CD2: variants seen among roughly 807,000 people sequenced by gnomAD.
The protein encoded by CD2 is CD2 molecule, also known as T-cell surface antigen CD2.
Under a neutral mutation model 23.2 loss-of-function variants are expected in CD2, and 18 were observed. The ratio of observed to expected loss-of-function variants is 0.77; its 90% CI spans 0.54 to 1.15. The LOEUF (loss-of-function observed/expected upper bound fraction) is 1.15, where lower values mean the gene tolerates loss of function less well. CD2 is among the 50% of genes most tolerant of loss of function. CD2 has a pLI of 0.00. For synonymous variants in CD2, 162 were observed against 151.9 expected (o/e 1.07, Z -0.49); for missense variants, 424 against 423.1 (o/e 1.00, Z -0.02).
In CD2 at chr1:116,768,751, G is replaced by A. The variant is rs1286948040; in HGVS notation, c.1024G>A (p.Ala342Thr). ...RVQPKPPHGA[A>T]ENSLSPSSN The stretch of plus-strand genomic sequence containing the variant: ...TCAGCCAAAACCTCCCCATGGGGCA[G>A]CAGAAAACTCATTGTCCCCTTCCTC... The change falls in exon 5 of 5, where the codon GCA (alanine) becomes ACA (threonine). Residue 342 changes from alanine to threonine, a missense_variant. Physicochemically the swap from Ala to Thr is moderately conservative, Grantham distance 58. Transcript: ENST00000369478. 1 of 1,613,520 alleles carries A rather than the reference G, an allele frequency of 6.2e-7. No individual in the cohort carries two copies. Among genetic ancestry groups the A allele is most frequent in the Admixed American group, 1.7e-5 (1 of 59,874 alleles).
At chr1:116,755,691 A>G (rs892144476) in intron 2 of CD2, among the ~76,000 whole-genome samples, 4 of 151,904 alleles carry the variant, frequency 2.6e-5, no homozygotes, top group African/African-American at 9.7e-5. Flanking sequence ...TCCCTGGGGG[A>G]TTCTAATGAG....
intron 2 of CD2, among the ~76,000 whole-genome samples, chr1:116,755,780 A>C (rs1422603521): frequency 1.3e-5 from 2 of 152,160 alleles, no homozygotes; most frequent in Non-Finnish European, 2.9e-5. Flanking sequence ...AGGGTCAGGC[A>C]TAGAGAAAGG....
chr1:116,768,785 A>G lies in CD2; in HGVS notation c.*2A>G, dbSNP rs201889089. The G allele has an allele frequency of 5.6e-6, 9 of 1,605,842 alleles. No homozygotes were observed. The highest frequency in any genetic ancestry group is 7.6e-6 in the Non-Finnish European group (9 of 1,176,808). ...TCATTGTCCCCTTCCTCTAATTAAA[A>G]AAGATAGAAACTGTCTTTTTCAATA... On this transcript the variant is annotated 3_prime_UTR_variant, in exon 5 of 5. Coordinates refer to ENST00000369478, the MANE Select transcript of CD2 (RefSeq NM_001767.5).
At chr1:116,763,910 G>C (rs537639326) in intron 3 of CD2, among the ~76,000 whole-genome samples, 3 of 152,236 alleles carry the variant, frequency 2.0e-5, no homozygotes, top group Admixed American at 1.3e-4. Flanking sequence ...TGCTGGCCGT[G>C]AGGTCAGAGT....
rs1652299235 is a variant in CD2 at position 116,768,717 on chromosome 1, A to G, written c.990A>G (p.Arg330=). The G allele has an allele frequency of 6.2e-7, 1 of 1,613,954 alleles. No individual in the cohort carries two copies. Among genetic ancestry groups the G allele is most frequent in the East Asian group, 2.2e-5 (1 of 44,862 alleles). ...VHQQKGPPLP[R]PRVQPKPPHG... is the part of the protein sequence containing the mutation. ...AGCAGAAAGGCCCGCCCCTCCCCAG[A>G]CCTCGAGTTCAGCCAAAACCTCCCC... is the stretch of plus-strand genomic sequence containing the variant. The change falls in exon 5 of 5, where the codon AGA becomes AGG. Residue 330 remains arginine, a synonymous_variant. Transcript: ENST00000369478.
chr1:116,766,907 T>C (rs983706831), intron 4 of CD2, among the ~76,000 whole-genome samples: 1 of 151,400 alleles, frequency 6.6e-6, no homozygotes, highest in East Asian at 1.9e-4. Context: ...GTGAACAGAG[T>C]AGTAAACCAA....
chr1:116,761,926 G>A (rs543937972), intron 3 of CD2, among the ~76,000 whole-genome samples: 21 of 152,216 alleles, frequency 1.4e-4, no homozygotes, highest in African/African-American at 4.8e-4. Flanking sequence ...CACCTCCCAG[G>A]CTCAAGCAAT....
intron 2 of CD2, among the ~76,000 whole-genome samples, chr1:116,758,963 A>G (rs3136703): frequency 0.12 from 18,162 of 152,196 alleles, 1,289 homozygotes; most frequent in South Asian, 0.2. Flanking sequence ...TTTTTTTTCT[A>G]AACAGCTTCA....
rs139309655 is a variant in CD2, at chr1:116,754,875, G to A, written c.306G>A (p.Gln102=). 1 of 1,612,636 alleles carries A rather than the reference G, an allele frequency of 6.2e-7. No homozygotes were observed. Among genetic ancestry groups the A allele is most frequent in the Non-Finnish European group, 8.5e-7 (1 of 1,178,718 alleles). The change falls in exon 2 of 5, where the codon CAG becomes CAA. Residue 102 remains glutamine (Q), a synonymous_variant. Coordinates refer to ENST00000369478, the MANE Select transcript of CD2 (RefSeq NM_001767.5). ...TTAAGCATCTGAAGACCGATGATCA[G>A]GATATCTACAAGGTATCAATATATG... ...LKIKHLKTDD[Q]DIYKVSIYDT...
At chr1:116,759,356 C>T (rs916298321) in intron 2 of CD2, among the ~76,000 whole-genome samples, 4 of 151,230 alleles carry the variant, frequency 2.6e-5, no homozygotes, top group African/African-American at 9.7e-5. Flanking sequence ...TAAGCTAGTC[C>T]ATCTATATTA....
Position 116,754,905 on chromosome 1 carries a change from A to T in CD2, c.336A>T (p.Thr112=), listed in dbSNP as rs146512272. The T allele has an allele frequency of 1.6e-5, 26 of 1,600,658 alleles. No individual in the cohort carries two copies. Among genetic ancestry groups the T allele is most frequent in the Non-Finnish European group, 2.1e-5 (25 of 1,175,344 alleles). ...TCTACAAGGTATCAATATATGATAC[A>T]AAAGGAAAAAATGTGTTGGAAAAAA... is the stretch of plus-strand genomic sequence containing the variant. ...QDIYKVSIYD[T]KGKNVLEKIF... The change falls in exon 2 of 5, where the codon ACA becomes ACT. Residue 112 remains threonine (T), a synonymous_variant. Transcript: ENST00000369478.
At chr1:116,766,853 C>A (rs968033625) in intron 4 of CD2, among the ~76,000 whole-genome samples, 9 of 151,848 alleles carry the variant, frequency 5.9e-5, no homozygotes, top group Admixed American at 5.2e-4. Context: ...CAGAGCAAGG[C>A]CCTGTCTCAA....
At position 116,769,168 on chromosome 1, in the gene CD2, T is replaced by TACG; in HGVS notation, c.*385_*386insACG. On this transcript the variant is annotated 3_prime_UTR_variant, in exon 5 of 5. Coordinates refer to ENST00000369478, the MANE Select transcript of CD2 (RefSeq NM_001767.5). ...TTAAGAGACTCTGGAGTTTCTTATG[T>TACG]GCCCTGGTGGACACTTGCCCACCAT... The TACG allele has an allele frequency of 5.9e-6, 1 of 170,754 alleles. No individual in the cohort carries two copies. The highest frequency in any genetic ancestry group is 1.8e-4 in the South Asian group (1 of 5,638). The allele number at this position is 170,754 out of a possible 1,614,324, so 10.6% of individuals were successfully genotyped here. A position where few individuals can be genotyped will look rare whatever the true frequency, so the allele number is the denominator to read the frequency against.
At chr1:116,758,730 T>C (rs936091495) in intron 2 of CD2, among the ~76,000 whole-genome samples, 3 of 152,154 alleles carry the variant, frequency 2.0e-5, no homozygotes, top group Admixed American at 1.3e-4. Context: ...ACATTTAGCA[T>C]TGCGGCGGAA....
At position 116,754,730 on chromosome 1, in the gene CD2, T is replaced by C; in HGVS notation, c.161T>C (p.Ile54Thr). The change falls in exon 2 of 5, where the codon ATT becomes ACT. Residue 54 changes from isoleucine (I) to threonine (T), a missense_variant. Ile to Thr is a moderately conservative substitution (Grantham distance 89, BLOSUM62 -1). Transcript: ENST00000369478. ...CCTAGTTTTCAAATGAGTGATGATA[T>C]TGACGATATAAAATGGGAAAAAACT... ...DIPSFQMSDD[I>T]DDIKWEKTSD... 1 of 1,613,416 alleles carries C rather than the reference T, an allele frequency of 6.2e-7. No individual in the cohort carries two copies. Among genetic ancestry groups the C allele is most frequent in the Non-Finnish European group, 8.5e-7 (1 of 1,179,632 alleles).
In CD2 at chr1:116,763,245, A is replaced by G. The variant is rs3136708; in HGVS notation, c.614-1239A>G. Among the ~76,000 whole-genome samples the G allele has an allele frequency of 2.2e-3, 337 of 152,346 alleles. 1 individual carries two copies. Among genetic ancestry groups the G allele is most frequent in the Non-Finnish European group, 4.2e-3 (284 of 68,034 alleles). On this transcript the variant is annotated intron_variant, in intron 3 of 4. Transcript: ENST00000369478. Reference sequence around the variant, plus strand: ...AGAGACTCGAGGAAAGAAAGCCAAGATGAATAAACCACCACAGTTTGATGA... The same window carrying G: ...AGAGACTCGAGGAAAGAAAGCCAAGGTGAATAAACCACCACAGTTTGATGA...
At chr1:116,760,750 T>C in intron 3 of CD2, 118 bp downstream of exon 3, 2 of 732,370 alleles carry the variant, frequency 2.7e-6, no homozygotes, top group South Asian at 1.7e-5. Flanking sequence ...GGATGAGGCA[T>C]GAAAGCATAT....
At chr1:116,761,080 G>A (rs1275893444) in intron 3 of CD2, among the ~76,000 whole-genome samples, 1 of 152,140 alleles carries the variant, frequency 6.6e-6, no homozygotes, top group Non-Finnish European at 1.5e-5. Flanking sequence ...AGAAACCCTG[G>A]GGGGCAGGGT....
intron 2 of CD2, among the ~76,000 whole-genome samples, chr1:116,756,039 G>A (rs960551863): frequency 1.3e-5 from 2 of 152,114 alleles, no homozygotes; most frequent in East Asian, 3.8e-4. Flanking sequence ...TCTGTCTCCA[G>A]CCCCATCTTC....
Sources: allele counts gnomAD v4.1 joint callset (sites outside exome capture counted in the v4.1 genomes callset), GRCh38; gene constraint gnomAD v4.1.1; transcripts MANE v1.5; gene names NCBI Gene and HGNC (gene_info 2026-07-23, HGNC 2026-07-21).